Variants in ARHGEF3 observed in about 807,000 individuals in gnomAD.
ARHGEF3 encodes the protein 59.8 kDA protein.
Under a neutral mutation model 63.2 loss-of-function variants are expected in ARHGEF3, and 28 were observed. The observed-to-expected ratio is 0.44, with a 90% CI of 0.33 to 0.61. The LOEUF (loss-of-function observed/expected upper bound fraction) is 0.61. ARHGEF3 is among the 20% of genes least tolerant of loss of function. The pLI is 0.03. For missense variants in ARHGEF3, 533 were observed against 659.3 expected, an observed-to-expected ratio of 0.81 and a Z score of 2.10; for synonymous variants, 266 against 254.2, an observed-to-expected ratio of 1.05 and a Z score of -0.44.
At chr3:57,024,042 G>A (rs1703368856) in intron 2 of ARHGEF3, among the ~76,000 whole-genome samples, 1 of 152,108 alleles carries the variant, frequency 6.6e-6, no homozygotes, top group Non-Finnish European at 1.5e-5. Flanking sequence ...TGTCACATCT[G>A]ATGCTGCTTT....
At chr3:56,804,837 C>T (rs1366731492), upstream of ARHGEF3, among the ~76,000 whole-genome samples, 1 of 152,214 alleles carries the variant, frequency 6.6e-6, no homozygotes, top group African/African-American at 2.4e-5. Flanking sequence ...AGAGTAACCT[C>T]ATCTCCAAGT....
At chr3:57,058,098 G>T (rs189599120) in intron 1 of ARHGEF3, among the ~76,000 whole-genome samples, 73 of 152,276 alleles carry the variant, frequency 4.8e-4, no homozygotes, top group Admixed American at 1.6e-3. Context: ...TAAAGGAAGG[G>T]AGGGTTACCT....
intron 1 of ARHGEF3, among the ~76,000 whole-genome samples, chr3:56,793,522 T>G (rs2037199762): frequency 6.6e-6 from 1 of 151,842 alleles, no homozygotes; most frequent in African/African-American, 2.4e-5. Flanking sequence ...AGGCTGGTCT[T>G]GAACTCCTAA....
intron 4 of ARHGEF3, among the ~76,000 whole-genome samples, chr3:56,844,377 A>G (rs1033361892): frequency 2.0e-4 from 30 of 152,232 alleles, no homozygotes; most frequent in African/African-American, 7.0e-4. Context: ...ACTAATAAAC[A>G]GAATGCTTGA....
chr3:56,772,473 C>A (rs1464976250), intron 2 of ARHGEF3, among the ~76,000 whole-genome samples: 1 of 152,170 alleles, frequency 6.6e-6, no homozygotes, highest in Non-Finnish European at 1.5e-5. Context: ...AAAATATTGC[C>A]AAGCAAAAGC....
intron 2 of ARHGEF3, among the ~76,000 whole-genome samples, chr3:56,763,814 A>T (rs1004069144): frequency 2.0e-5 from 3 of 151,974 alleles, no homozygotes; most frequent in African/African-American, 7.2e-5. Context: ...GCCTCAAGCA[A>T]TCCTCTTGTT....
chr3:56,786,753 G>C (rs995599689), intron 1 of ARHGEF3, among the ~76,000 whole-genome samples: 5 of 152,124 alleles, frequency 3.3e-5, no homozygotes, highest in Admixed American at 2.0e-4. Context: ...AACAAAGAAG[G>C]CAAGGAGCTC....
At chr3:56,847,285 A>G (rs952865790) in intron 4 of ARHGEF3, among the ~76,000 whole-genome samples, 10 of 152,224 alleles carry the variant, frequency 6.6e-5, no homozygotes, top group African/African-American at 2.2e-4. Flanking sequence ...CTTGGAGCCA[A>G]TTCAACCAAA....
chr3:56,975,852 C>A, intron 2 of ARHGEF3: 1 of 388,766 alleles, frequency 2.6e-6, no homozygotes, highest in Non-Finnish European at 4.9e-6. Flanking sequence ...CAATAAAGAT[C>A]AGAGATTAGT....
intron 2 of ARHGEF3, among the ~76,000 whole-genome samples, chr3:57,024,742 C>T (rs559298821): frequency 1.4e-4 from 22 of 152,242 alleles, no homozygotes; most frequent in Non-Finnish European, 2.5e-4. Context: ...CCGCCTCGGC[C>T]TCCCAAAGTG....
At chr3:57,002,630 GGTT>G (rs1228215131) in intron 2 of ARHGEF3, among the ~76,000 whole-genome samples, 1 of 146,238 alleles carries the variant, frequency 6.8e-6, no homozygotes, top group East Asian at 2.0e-4. Flanking sequence ...ACATGTGGGG[GGTT>G]GTTACATAGG....
intron 1 of ARHGEF3, among the ~76,000 whole-genome samples, chr3:57,057,254 G>T (rs945161717): frequency 2.6e-5 from 4 of 152,068 alleles, no homozygotes; most frequent in Non-Finnish European, 5.9e-5. Flanking sequence ...TGGGATTACA[G>T]GTGCGTGCCA....
chr3:56,995,888 G>A (rs989500864), intron 2 of ARHGEF3, among the ~76,000 whole-genome samples: 1 of 152,136 alleles, frequency 6.6e-6, no homozygotes, highest in Non-Finnish European at 1.5e-5. Flanking sequence ...AATGGAAATA[G>A]GCTACCAGGA....
chr3:56,943,028 G>A (rs1578901614), intron 3 of ARHGEF3, among the ~76,000 whole-genome samples: 1 of 152,226 alleles, frequency 6.6e-6, no homozygotes, highest in Non-Finnish European at 1.5e-5. Context: ...ACATAAAAGT[G>A]CAAGATGAAG....
chr3:57,062,457 G>A (rs761906766), intron 1 of ARHGEF3, among the ~76,000 whole-genome samples: 4 of 152,206 alleles, frequency 2.6e-5, no homozygotes, highest in Non-Finnish European at 5.9e-5. Flanking sequence ...ACGGCGGCGG[G>A]GGCGGGGGGT....
chr3:56,756,791 C>A (rs549289624), intron 2 of ARHGEF3, among the ~76,000 whole-genome samples: 112 of 152,200 alleles, frequency 7.4e-4, no homozygotes, highest in African/African-American at 2.6e-3. Context: ...CCTCGTGATC[C>A]GCCCGCCTCG....
At chr3:56,780,119 C>CT (rs2036497101) in intron 1 of ARHGEF3, among the ~76,000 whole-genome samples, 1 of 152,222 alleles carries the variant, frequency 6.6e-6, no homozygotes, top group Non-Finnish European at 1.5e-5. Context: ...GGACCATGTA[C>CT]TGGACTATAC....
chr3:56,863,539 A>G (rs1168394659), intron 4 of ARHGEF3, among the ~76,000 whole-genome samples: 1 of 152,052 alleles, frequency 6.6e-6, no homozygotes, highest in African/African-American at 2.4e-5. Context: ...ACCTCAAGCA[A>G]TCCACCCGCC....
chr3:56,805,381 C>T (rs142772299), upstream of ARHGEF3, among the ~76,000 whole-genome samples: 178 of 152,230 alleles, frequency 1.2e-3, no homozygotes, highest in African/African-American at 4.1e-3. Context: ...ACTACAGGCA[C>T]ACGTCACCAC....
Sources: allele counts gnomAD v4.1 joint callset (sites outside exome capture counted in the v4.1 genomes callset), GRCh38; gene constraint gnomAD v4.1.1; transcripts MANE v1.5; gene names NCBI Gene and HGNC (gene_info 2026-07-23, HGNC 2026-07-21).